TANGO6: variants seen among roughly 807,000 people sequenced by gnomAD.
TANGO6 encodes transport and golgi organization 6 homolog.
TANGO6 carries 90 observed loss-of-function variants against 114.2 expected under a neutral mutation model. The observed-to-expected ratio is 0.79, with a 90% CI of 0.66 to 0.94. The LOEUF is 0.94. Among genes scored for constraint, TANGO6 ranks in the 40% least tolerant of loss-of-function variants. The pLI, the probability that TANGO6 is intolerant of heterozygous loss-of-function variation, is 0.00. For missense variants in TANGO6, 1,274 were observed against 1,315.3 expected, an observed-to-expected ratio of 0.97 and a Z score of 0.49; for synonymous variants, 477 against 509.8, an observed-to-expected ratio of 0.94 and a Z score of 0.87.
chr16:69,078,754 T>A (rs1307161269), intron 17 of TANGO6, among the ~76,000 whole-genome samples: 1 of 152,088 alleles, frequency 6.6e-6, no homozygotes, highest in African/African-American at 2.4e-5. Flanking sequence ...TTTATTTTTA[T>A]TTTTTGAGAC....
chr16:68,928,579 C>T (rs550024113), intron 13 of TANGO6, among the ~76,000 whole-genome samples: 18 of 152,108 alleles, frequency 1.2e-4, no homozygotes, highest in Admixed American at 5.2e-4. Context: ...GGATTACAGG[C>T]GTGAGCCACC....
At chr16:68,940,130 T>C (rs1963337283) in intron 14 of TANGO6, among the ~76,000 whole-genome samples, 1 of 151,518 alleles carries the variant, frequency 6.6e-6, no homozygotes, top group Non-Finnish European at 1.5e-5. Flanking sequence ...TTTTCTTTCT[T>C]TCCTTTCTTT....
At chr16:68,946,684 TAG>T (rs2152203826) in intron 14 of TANGO6, among the ~76,000 whole-genome samples, 1 of 152,220 alleles carries the variant, frequency 6.6e-6, no homozygotes, top group South Asian at 2.1e-4. Flanking sequence ...GTATTTCTTG[TAG>T]AGACAAGATT....
Position 68,923,537 on chromosome 16 carries a change from G to A in TANGO6, c.2128-4031G>A, listed in dbSNP as rs79906048. Among the ~76,000 whole-genome samples, 544 of 152,112 alleles carry A rather than the reference G, an allele frequency of 3.6e-3. 10 individuals carry two copies. The highest frequency in any genetic ancestry group is 0.034 in the East Asian group (174 of 5,154). On this transcript the variant is annotated intron_variant, in intron 12 of 17. Coordinates refer to ENST00000261778, the MANE Select transcript of TANGO6 (RefSeq NM_024562.2). Reference sequence around the variant, plus strand: ...AATGCTGTCCTTTCTCTTCTTCACCGAGCCCAATTTGGGTGCTCTATAGAA... The same window carrying A: ...AATGCTGTCCTTTCTCTTCTTCACCAAGCCCAATTTGGGTGCTCTATAGAA...
intron 14 of TANGO6, among the ~76,000 whole-genome samples, chr16:68,936,643 G>T (rs1453367788): frequency 6.6e-6 from 1 of 152,122 alleles, no homozygotes; most frequent in Admixed American, 6.6e-5. Flanking sequence ...CCTATAGCCA[G>T]ATTATTTCTA....
At chr16:69,068,097 C>T (rs1360318458) in intron 17 of TANGO6, among the ~76,000 whole-genome samples, 1 of 151,766 alleles carries the variant, frequency 6.6e-6, no homozygotes, top group Non-Finnish European at 1.5e-5. Context: ...GCCAAGATCA[C>T]ACCACTGCAC....
At chr16:69,028,857 A>C (rs1959547791) in intron 16 of TANGO6, among the ~76,000 whole-genome samples, 1 of 118,778 alleles carries the variant, frequency 8.4e-6, no homozygotes. Context: ...CCAGTTTAAC[A>C]AAAAAAAAAA....
rs552310176 is a variant in TANGO6, at chr16:69,054,487, A to G, written c.3108+14066A>G. On this transcript the variant is annotated intron_variant, in intron 17 of 17. Transcript: ENST00000261778. ...CCTGCTTCTGGGACTCTTAGGCTTA[A>G]TGAATCAATTTATCATCCAGACTGG... Among the ~76,000 whole-genome samples the G allele has an allele frequency of 2.0e-5, 3 of 152,308 alleles. No individual in the cohort carries two copies. In the East Asian group the frequency reaches 5.8e-4, roughly 29 times the overall value.
chr16:69,003,093 C>T lies in TANGO6; in HGVS notation c.2843-19735C>T, dbSNP rs760002512. Among the ~76,000 whole-genome samples, 3 of 151,992 alleles carry T rather than the reference C, an allele frequency of 2.0e-5. No individual in the cohort carries two copies. In the South Asian group the frequency reaches 6.2e-4, roughly 32 times the overall value. On this transcript the variant is annotated intron_variant, in intron 15 of 17. Coordinates refer to ENST00000261778, the MANE Select transcript of TANGO6 (RefSeq NM_024562.2). Reference sequence around the variant, plus strand: ...TTTTATCATTAAACTTTAGCCAGGACAAGCAGCTGACACCTCTGGCTTTTA... The same window carrying T: ...TTTTATCATTAAACTTTAGCCAGGATAAGCAGCTGACACCTCTGGCTTTTA...
intron 15 of TANGO6, among the ~76,000 whole-genome samples, 168 bp from the exon 16 acceptor site, chr16:69,022,660 T>C (rs978412913): frequency 6.6e-6 from 1 of 151,932 alleles, no homozygotes; most frequent in African/African-American, 2.4e-5. Context: ...GCTGTGATTG[T>C]GCCACTGCAC....
Position 69,077,761 on chromosome 16 carries a change from G to A in TANGO6, c.3109-5724G>A, listed in dbSNP as rs971694011. 4.6e-5 allele frequency among the ~76,000 whole-genome samples: 7 copies of A among 152,090 alleles called. No individual in the cohort carries two copies. The East Asian group carries it at 5.8e-4, about 13-fold the overall frequency. ...CAAGAATCGCTTGAACCCAGGAGGC[G>A]GAGGTTGGCAGTGAGCTGAGATAGA... On this transcript the variant is annotated intron_variant, in intron 17 of 17. Coordinates refer to ENST00000261778, the MANE Select transcript of TANGO6 (RefSeq NM_024562.2).
At chr16:68,876,541 C>T (rs1340936635) in intron 5 of TANGO6, among the ~76,000 whole-genome samples, 1 of 151,918 alleles carries the variant, frequency 6.6e-6, no homozygotes, top group Non-Finnish European at 1.5e-5. Flanking sequence ...TGTACTTTGG[C>T]CAGGCACAGT....
chr16:69,055,068 G>C (rs1960013181), intron 17 of TANGO6, among the ~76,000 whole-genome samples: 1 of 151,516 alleles, frequency 6.6e-6, no homozygotes, highest in African/African-American at 2.4e-5. Context: ...TTTCAAGAGA[G>C]AGCAGTGATG....
At chr16:68,965,929 C>G (rs1963640833) in intron 14 of TANGO6, among the ~76,000 whole-genome samples, 1 of 151,888 alleles carries the variant, frequency 6.6e-6, no homozygotes, top group African/African-American at 2.4e-5. Context: ...TACCATTGAT[C>G]CACTTAAAGT....
chr16:69,005,280 A>G (rs1964082277), intron 15 of TANGO6, among the ~76,000 whole-genome samples: 1 of 152,226 alleles, frequency 6.6e-6, no homozygotes, highest in Non-Finnish European at 1.5e-5. Context: ...TGACAGTAAG[A>G]GCAGAAAAGT....
intron 15 of TANGO6, among the ~76,000 whole-genome samples, chr16:69,012,579 G>GAAAAAAAAAAAAAAAAAAAAAAAAAAA (rs1964153121): frequency 9.0e-6 from 1 of 111,262 alleles, no homozygotes; most frequent in Non-Finnish European, 1.9e-5. Context: ...AAAAAAAAAA[G>GAAAAAAAAAAAAAAAAAAAAAAAAAAA]GAAAAAAAAA....
chr16:68,971,910 C>T (rs534329968), intron 14 of TANGO6, among the ~76,000 whole-genome samples: 13 of 151,962 alleles, frequency 8.6e-5, no homozygotes, highest in Admixed American at 5.3e-4. Flanking sequence ...TGGGATTACA[C>T]GCGTGAGCCA....
chr16:68,982,949 GT>G (rs796082719), intron 15 of TANGO6, among the ~76,000 whole-genome samples: 13 of 148,114 alleles, frequency 8.8e-5, no homozygotes, highest in Non-Finnish European at 1.6e-4. Flanking sequence ...AAAATGAAGT[GT>G]TTTTTTTTTA....
At chr16:68,914,469 T>C (rs1157787233) in intron 11 of TANGO6, among the ~76,000 whole-genome samples, 2 of 152,194 alleles carry the variant, frequency 1.3e-5, no homozygotes, top group African/African-American at 4.8e-5. Flanking sequence ...GACTTAATGT[T>C]ATTAACAAAC....
Sources: gnomAD v4.1 joint callset for allele counts (sites outside exome capture counted in the v4.1 genomes callset) on GRCh38, gnomAD v4.1.1 for gene constraint, MANE v1.5 for transcripts, NCBI Gene and HGNC (gene_info 2026-07-23, HGNC 2026-07-21) for gene names.